The following SOX6 variants were observed in gnomAD, a reference collection of about 807,000 sequenced individuals.
The protein encoded by SOX6 is transcription factor SOX-6.
In SOX6, 11 loss-of-function variants were observed where a neutral mutation model predicts 97.8. The observed-to-expected ratio is 0.11, with a 90% confidence interval of 0.07 to 0.19. SOX6 has a LOEUF of 0.19. SOX6 is among the 10% of genes least tolerant of loss of function. The pLI is 1.00. For synonymous variants in SOX6, 360 were observed against 371.4 expected (o/e 0.97, Z 0.35); for missense variants, 810 against 1,039.5 (o/e 0.78, Z 3.04).
chr11:16,326,808 CT>C (rs1856107763), intron 2 of SOX6, among the ~76,000 whole-genome samples: 1 of 152,154 alleles, frequency 6.6e-6, no homozygotes, highest in Admixed American at 6.6e-5. Flanking sequence ...CTGGGTGGTT[CT>C]GTCTAAAGTC....
At chr11:16,201,341 T>C (rs1476234544) in intron 4 of SOX6, among the ~76,000 whole-genome samples, 2 of 152,094 alleles carry the variant, frequency 1.3e-5, no homozygotes, top group African/African-American at 4.8e-5. Context: ...ATTACATAAA[T>C]AGAACCCTAT....
intron 4 of SOX6, among the ~76,000 whole-genome samples, chr11:16,541,784 G>A (rs1421001453): frequency 6.6e-6 from 1 of 152,188 alleles, no homozygotes; most frequent in Non-Finnish European, 1.5e-5. Context: ...ACACCAGTTA[G>A]AATGGTGAGC....
intron 15 of SOX6, among the ~76,000 whole-genome samples, chr11:15,979,855 TC>T (rs1853609119): frequency 6.6e-6 from 1 of 152,060 alleles, no homozygotes; most frequent in African/African-American, 2.4e-5. Context: ...CCTATCCCTT[TC>T]CCTACTTTAC....
chr11:16,126,314 A>T (rs1421885893), intron 6 of SOX6, among the ~76,000 whole-genome samples: 1 of 152,068 alleles, frequency 6.6e-6, no homozygotes, highest in Admixed American at 6.6e-5. Flanking sequence ...AATGACACAA[A>T]ATCCAGTTTT....
At chr11:16,735,585 G>T (rs528075496) in intron 2 of SOX6, among the ~76,000 whole-genome samples, 1 of 152,286 alleles carries the variant, frequency 6.6e-6, no homozygotes, top group Admixed American at 6.5e-5. Flanking sequence ...TATTGGCACA[G>T]TGGAAAGTGC....
chr11:16,283,227 C>T (rs1201366817), intron 3 of SOX6, among the ~76,000 whole-genome samples: 1 of 149,432 alleles, frequency 6.7e-6, no homozygotes, highest in African/African-American at 2.4e-5. Flanking sequence ...TAGTAGATGA[C>T]TCAAATAGTA....
chr11:16,288,292 A>G (rs1460512731), intron 3 of SOX6, among the ~76,000 whole-genome samples: 2 of 151,772 alleles, frequency 1.3e-5, no homozygotes, highest in Non-Finnish European at 2.9e-5. Flanking sequence ...TAGTTATCCT[A>G]CTCTGGATCA....
chr11:16,353,421 T>C (rs1173689832), intron 1 of SOX6, among the ~76,000 whole-genome samples: 1 of 152,098 alleles, frequency 6.6e-6, no homozygotes, highest in Non-Finnish European at 1.5e-5. Flanking sequence ...TATGAGGACA[T>C]GAATTCTTAT....
At chr11:16,624,247 G>A (rs1296204601) in intron 3 of SOX6, among the ~76,000 whole-genome samples, 2 of 149,140 alleles carry the variant, frequency 1.3e-5, no homozygotes, top group African/African-American at 2.5e-5. Context: ...GAGTGCAGTG[G>A]CATGATCTCA....
At chr11:16,105,132 T>C (rs1445667754) in intron 7 of SOX6, among the ~76,000 whole-genome samples, 1 of 151,788 alleles carries the variant, frequency 6.6e-6, no homozygotes, top group Non-Finnish European at 1.5e-5. Context: ...AATATAGATA[T>C]AAAAATCTTC....
intron 3 of SOX6, among the ~76,000 whole-genome samples, chr11:16,656,745 T>G (rs1291063044): frequency 2.0e-5 from 3 of 152,210 alleles, no homozygotes; most frequent in Non-Finnish European, 4.4e-5. Flanking sequence ...AAAAATTTAC[T>G]ATGTATTGTT....
At chr11:16,619,793 TA>T (rs34626873) in intron 3 of SOX6, among the ~76,000 whole-genome samples, 2 of 152,068 alleles carry the variant, frequency 1.3e-5, no homozygotes, top group Non-Finnish European at 2.9e-5. Flanking sequence ...AAATGCAACA[TA>T]AAATAATTAC....
At chr11:16,097,241 A>G (rs1311357502) in intron 8 of SOX6, among the ~76,000 whole-genome samples, 1 of 151,878 alleles carries the variant, frequency 6.6e-6, no homozygotes, top group Non-Finnish European at 1.5e-5. Flanking sequence ...AATATCCAAC[A>G]TCATTTTTGT....
intron 6 of SOX6, among the ~76,000 whole-genome samples, chr11:16,168,133 T>C (rs1051482794): frequency 1.4e-4 from 21 of 151,926 alleles, no homozygotes; most frequent in Admixed American, 1.1e-3. Flanking sequence ...CAAACTAAAG[T>C]GGGGGAGACA....
chr11:16,678,892 TG>T (rs1847904747), intron 3 of SOX6, among the ~76,000 whole-genome samples: 1 of 151,912 alleles, frequency 6.6e-6, no homozygotes, highest in South Asian at 2.1e-4. Context: ...TGCAGATTGG[TG>T]GGGGGAGGGG....
chr11:16,660,285 A>G (rs542403228), intron 3 of SOX6, among the ~76,000 whole-genome samples: 9 of 152,246 alleles, frequency 5.9e-5, no homozygotes, highest in Middle Eastern at 6.8e-3. Flanking sequence ...ACAAATTTTG[A>G]TAAGTTGCAT....
intron 6 of SOX6, among the ~76,000 whole-genome samples, chr11:16,149,960 T>C (rs1019795701): frequency 6.6e-6 from 1 of 152,162 alleles, no homozygotes; most frequent in Non-Finnish European, 1.5e-5. Context: ...AGCAATTGAT[T>C]TGACTGAATT....
chr11:16,146,745 T>G (rs1223819947), intron 6 of SOX6, among the ~76,000 whole-genome samples: 1 of 151,920 alleles, frequency 6.6e-6, no homozygotes, highest in African/African-American at 2.4e-5. Context: ...AACAGACACA[T>G]GAAAAAATGC....
chr11:16,346,381 C>A lies in SOX6; in HGVS notation c.-4-5129G>T, dbSNP rs1013058330. ...ATTTTAAAACCCTCTTCTTCTATCT[C>A]TAATTTCCACATTCAAGGATCTTGG... On this transcript the variant is annotated intron_variant, in intron 1 of 15. Transcript: ENST00000683767. Among the ~76,000 whole-genome samples, 8 of 152,166 alleles carry A rather than the reference C, an allele frequency of 5.3e-5. No individual in the cohort carries two copies. The East Asian group carries it at 9.7e-4, about 18-fold the overall frequency.
Sources: gnomAD v4.1 joint callset for allele counts (sites outside exome capture counted in the v4.1 genomes callset) on GRCh38, gnomAD v4.1.1 for gene constraint, MANE v1.5 for transcripts, NCBI Gene and HGNC (gene_info 2026-07-23, HGNC 2026-07-21) for gene names.